The following CADM2 variants were observed in gnomAD, a reference collection of about 807,000 sequenced individuals.
The protein encoded by CADM2 is immunoglobulin superfamily member 4D.
A neutral mutation model predicts 49.8 loss-of-function variants in CADM2; 12 were observed. The ratio of observed to expected loss-of-function variants is 0.24; its 90% CI spans 0.15 to 0.39. The LOEUF is 0.39. CADM2 is among the 10% of genes least tolerant of loss of function. CADM2 has a pLI of 1.00. For synonymous variants in CADM2, 214 were observed against 175.4 expected (o/e 1.22, Z -1.74); for missense variants, 378 against 492.3 (o/e 0.77, Z 2.20).
intron 2 of CADM2, among the ~76,000 whole-genome samples, chr3:85,799,380 C>T (rs2071845262): frequency 6.6e-6 from 1 of 152,094 alleles, no homozygotes; most frequent in South Asian, 2.1e-4. Flanking sequence ...CAGCTTTTGC[C>T]CATTCATTAT....
At chr3:85,068,740 GC>G (rs1210909121) in intron 1 of CADM2, among the ~76,000 whole-genome samples, 8 of 151,562 alleles carry the variant, frequency 5.3e-5, no homozygotes, top group Non-Finnish European at 8.8e-5. Flanking sequence ...TTTAAAGTAA[GC>G]TTTTTTGTTT....
chr3:85,344,142 G>T (rs1244474783), intron 1 of CADM2, among the ~76,000 whole-genome samples: 1 of 151,970 alleles, frequency 6.6e-6, no homozygotes, highest in Admixed American at 6.6e-5. Context: ...TTGGGGGGCC[G>T]AGGCGGGCAG....
chr3:85,969,069 C>T (rs888390947), intron 8 of CADM2, among the ~76,000 whole-genome samples: 4 of 151,688 alleles, frequency 2.6e-5, no homozygotes, highest in Admixed American at 2.0e-4. Context: ...ATCATCCTCT[C>T]TGGCTTAGAC....
intron 3 of CADM2, among the ~76,000 whole-genome samples, chr3:85,871,472 A>G (rs1407902338): frequency 6.6e-6 from 1 of 152,190 alleles, no homozygotes; most frequent in Non-Finnish European, 1.5e-5. Flanking sequence ...TATAGGCTCT[A>G]GAGTCAGACT....
At chr3:85,306,459 AATTTGCATAT>A (rs1288949293) in intron 1 of CADM2, among the ~76,000 whole-genome samples, 6 of 151,698 alleles carry the variant, frequency 4.0e-5, no homozygotes, top group African/African-American at 1.4e-4. Flanking sequence ...CATAGCTCAA[AATTTGCATAT>A]TAAAATGTAT....
At chr3:85,489,755 TG>T (rs2039587807) in intron 1 of CADM2, among the ~76,000 whole-genome samples, 1 of 148,326 alleles carries the variant, frequency 6.7e-6, no homozygotes, top group Non-Finnish European at 1.5e-5. Context: ...TGTGTGTGTG[TG>T]TGAGAGAGAG....
At chr3:85,914,846 G>C (rs958422372) in intron 6 of CADM2, among the ~76,000 whole-genome samples, 4 of 152,174 alleles carry the variant, frequency 2.6e-5, no homozygotes, top group African/African-American at 9.6e-5. Flanking sequence ...AGGATTAGGA[G>C]CATGTCAGTG....
chr3:85,497,526 T>C (rs1643177565), intron 1 of CADM2, among the ~76,000 whole-genome samples: 1 of 152,106 alleles, frequency 6.6e-6, no homozygotes, highest in Admixed American at 6.6e-5. Flanking sequence ...TGTATTTAAT[T>C]TTGGAAGACA....
chr3:86,063,056 T>G (rs1383321904), intron 8 of CADM2, among the ~76,000 whole-genome samples: 1 of 152,150 alleles, frequency 6.6e-6, no homozygotes, highest in East Asian at 1.9e-4. Context: ...GCTAGAAATC[T>G]CTGCCCCAAT....
At chr3:85,808,630 C>T (rs1327403116) in intron 3 of CADM2, among the ~76,000 whole-genome samples, 1 of 152,146 alleles carries the variant, frequency 6.6e-6, no homozygotes, top group African/African-American at 2.4e-5. Context: ...TCAACAGATA[C>T]ATCTCTGTGA....
intron 1 of CADM2, among the ~76,000 whole-genome samples, chr3:85,353,762 A>G (rs908267249): frequency 6.6e-6 from 1 of 151,920 alleles, no homozygotes; most frequent in East Asian, 1.9e-4. Context: ...TGAAATTCTT[A>G]TTACCGAAAT....
intron 6 of CADM2, among the ~76,000 whole-genome samples, chr3:85,922,266 A>T (rs1269785927): frequency 6.7e-6 from 1 of 149,834 alleles, no homozygotes; most frequent in African/African-American, 2.5e-5. Flanking sequence ...TCAATTTGTA[A>T]TTATAAATTG....
chr3:85,488,639 C>T (rs1045613164), intron 1 of CADM2, among the ~76,000 whole-genome samples: 7 of 152,056 alleles, frequency 4.6e-5, no homozygotes, highest in Non-Finnish European at 1.0e-4. Context: ...TCAAGAAATT[C>T]TCCTGTCTCA....
intron 1 of CADM2, among the ~76,000 whole-genome samples, chr3:84,986,765 A>T (rs1361357840): frequency 4.7e-5 from 4 of 84,346 alleles, no homozygotes; most frequent in South Asian, 4.5e-4. Flanking sequence ...ATAATAAAAT[A>T]AAAAAAAAAG....
chr3:85,263,728 T>A (rs565676439), intron 1 of CADM2, among the ~76,000 whole-genome samples: 49 of 152,286 alleles, frequency 3.2e-4, no homozygotes, highest in African/African-American at 1.2e-3. Flanking sequence ...TCTTCTAATT[T>A]GTAATTATCA....
chr3:85,633,633 A>G (rs2064375389), intron 1 of CADM2, among the ~76,000 whole-genome samples: 1 of 152,054 alleles, frequency 6.6e-6, no homozygotes, highest in Non-Finnish European at 1.5e-5. Context: ...AGCCACTAAT[A>G]CATGTAATCC....
intron 3 of CADM2, among the ~76,000 whole-genome samples, chr3:85,882,827 G>A (rs1427442039): frequency 6.6e-6 from 1 of 152,154 alleles, no homozygotes; most frequent in Non-Finnish European, 1.5e-5. Flanking sequence ...AGTTGAAATA[G>A]TTCAAGTGCC....
chr3:85,120,287 G>T (rs2038806380), intron 1 of CADM2, among the ~76,000 whole-genome samples: 1 of 152,054 alleles, frequency 6.6e-6, no homozygotes, highest in Admixed American at 6.6e-5. Flanking sequence ...ATTCCTCAAG[G>T]ATCTAGAACC....
At chr3:85,228,443 C>G (rs921026934) in intron 1 of CADM2, among the ~76,000 whole-genome samples, 1 of 151,736 alleles carries the variant, frequency 6.6e-6, no homozygotes, top group Non-Finnish European at 1.5e-5. Flanking sequence ...TTCTCCCCAT[C>G]TTTGTGGTTT....
Sources: allele counts gnomAD v4.1 joint callset (sites outside exome capture counted in the v4.1 genomes callset), GRCh38; gene constraint gnomAD v4.1.1; transcripts MANE v1.5; gene names NCBI Gene and HGNC (gene_info 2026-07-23, HGNC 2026-07-21).